RFX8: variants seen among roughly 807,000 people sequenced by gnomAD.
RFX8 encodes the protein regulatory factor X8.
RFX8 carries 46 observed loss-of-function variants against 54.6 expected under a neutral mutation model. The ratio of observed to expected loss-of-function variants is 0.84; its 90% CI spans 0.67 to 1.08. The LOEUF (loss-of-function observed/expected upper bound fraction) is 1.08, where lower values mean the gene tolerates loss of function less well. Ranked by LOEUF, RFX8 falls within the 50% of genes least tolerant of loss-of-function variation. RFX8 has a pLI of 0.00. For missense variants in RFX8, 536 were observed against 562.3 expected, an observed-to-expected ratio of 0.95 and a Z score of 0.47; for synonymous variants, 192 against 209.5, an observed-to-expected ratio of 0.92 and a Z score of 0.72.
At chr2:101,442,432 C>T (rs937012870) in intron 2 of RFX8, among the ~76,000 whole-genome samples, 4 of 152,114 alleles carry the variant, frequency 2.6e-5, no homozygotes, top group Admixed American at 6.6e-5. Context: ...CAGCTAGTGG[C>T]AAATTTTTTT....
At chr2:101,471,535 C>G (rs1485946991) in intron 1 of RFX8, among the ~76,000 whole-genome samples, 2 of 152,120 alleles carry the variant, frequency 1.3e-5, no homozygotes, top group Non-Finnish European at 2.9e-5. Flanking sequence ...AGTCTACAAC[C>G]AGGGCTCAGC....
intron 2 of RFX8, among the ~76,000 whole-genome samples, chr2:101,443,830 G>A (rs1425772431): frequency 6.6e-6 from 1 of 152,104 alleles, no homozygotes; most frequent in Admixed American, 6.5e-5. Flanking sequence ...ACCTAGTAGG[G>A]GGCTGCAACC....
intron 6 of RFX8, among the ~76,000 whole-genome samples, chr2:101,416,616 G>C (rs1392114213): frequency 1.3e-5 from 2 of 152,174 alleles, no homozygotes; most frequent in Non-Finnish European, 2.9e-5. Flanking sequence ...AAGGAGGGTG[G>C]GACCCCGTAG....
At chr2:101,471,163 G>A (rs1413253049) in intron 1 of RFX8, among the ~76,000 whole-genome samples, 2 of 151,776 alleles carry the variant, frequency 1.3e-5, no homozygotes, top group Non-Finnish European at 2.9e-5. Context: ...GCGAAACCCC[G>A]TCTCTACGAA....
chr2:101,422,577 C>T (rs965021828), intron 2 of RFX8, 105 bp from the exon 3 acceptor site: 3 of 694,142 alleles, frequency 4.3e-6, no homozygotes, highest in African/African-American at 3.5e-5. Flanking sequence ...TTGTGTATAA[C>T]CTTTTAGCCA....
intron 2 of RFX8, among the ~76,000 whole-genome samples, chr2:101,451,918 ACC>A: frequency 6.6e-6 from 1 of 151,600 alleles, no homozygotes; most frequent in Admixed American, 6.6e-5. Flanking sequence ...ATTTAGGAAA[ACC>A]TCGTCTCTAA....
rs181018842 is a variant in RFX8 at position 101,472,548 on chromosome 2, A to G, written c.-53+2088T>C. 2.6e-5 allele frequency among the ~76,000 whole-genome samples: 4 copies of G among 152,308 alleles called. No individual in the cohort carries two copies. In the East Asian group the frequency reaches 7.7e-4, roughly 29 times the overall value. The stretch of plus-strand genomic sequence containing the variant: ...GCCTATAGGGATAGGAACTTGTAAT[A>G]TGGGACTTGAGTAAGTCAGACTGTC... On this transcript the variant is annotated intron_variant, in intron 1 of 11. Transcript: ENST00000428343.
intron 9 of RFX8, among the ~76,000 whole-genome samples, chr2:101,410,383 G>A (rs1018246719): frequency 1.1e-5 from 1 of 90,376 alleles, no homozygotes; most frequent in Non-Finnish European, 2.2e-5. Context: ...CCAAACATAT[G>A]CCCACACTCA....
chr2:101,469,104 ATAAG>A (rs200589696), intron 1 of RFX8, among the ~76,000 whole-genome samples: 3,045 of 28,492 alleles, frequency 0.11, 191 homozygotes, highest in East Asian at 0.24. Context: ...GTATATATAT[ATAAG>A]TGTATATATA....
chr2:101,439,422 C>A (rs1687961918), intron 2 of RFX8, among the ~76,000 whole-genome samples: 1 of 152,112 alleles, frequency 6.6e-6, no homozygotes, highest in Non-Finnish European at 1.5e-5. Flanking sequence ...TTTTATGGAT[C>A]ATACTTCTGG....
chr2:101,397,785 C>T (rs1685210565), intron 11 of RFX8, 61 bp from the exon 12 acceptor site: 1 of 1,354,080 alleles, frequency 7.4e-7, no homozygotes, highest in African/African-American at 1.5e-5. Context: ...TTCCTTGTTG[C>T]AGGAACTACC....
At chr2:101,397,864 CT>C (rs894849758) in intron 11 of RFX8, 140 bp from the exon 12 acceptor site, 24,511 of 511,132 alleles carry the variant, frequency 0.048, no homozygotes, top group South Asian at 0.076. Flanking sequence ...GCATTTATTC[CT>C]TTTTTTTTTT....
At chr2:101,418,815 A>G in intron 5 of RFX8, 36 bp downstream of exon 5, 1 of 1,351,436 alleles carries the variant, frequency 7.4e-7, no homozygotes, top group Non-Finnish European at 1.0e-6. Context: ...CAATTTCTGC[A>G]AAGGATATAC....
At chr2:101,465,425 G>A (rs1388184620) in intron 2 of RFX8, among the ~76,000 whole-genome samples, 7 of 152,162 alleles carry the variant, frequency 4.6e-5, no homozygotes, top group Admixed American at 2.6e-4. Flanking sequence ...CACGGGAATC[G>A]CTTGAACTCG....
intron 2 of RFX8, among the ~76,000 whole-genome samples, chr2:101,465,919 G>A (rs1673091733): frequency 3.3e-5 from 5 of 152,194 alleles, no homozygotes; most frequent in Admixed American, 3.3e-4. Flanking sequence ...GGTGGGCAGG[G>A]AGGCAAAGGG....
Position 101,427,363 on chromosome 2 carries a change from A to G in RFX8, c.73-4891T>C, listed in dbSNP as rs78672074. 3.7e-3 allele frequency among the ~76,000 whole-genome samples: 563 copies of G among 152,270 alleles called. 7 individuals carry two copies. The highest frequency in any genetic ancestry group is 0.013 in the African/African-American group (544 of 41,554). ...AGAAAAGGCCACCTTTCCCAGCTGC[A>G]GGGAGCCAGAGAGACTGCAGCGTGA... is the stretch of plus-strand genomic sequence containing the variant. On this transcript the variant is annotated intron_variant, in intron 2 of 11. Transcript: ENST00000428343.
In RFX8 at chr2:101,417,615, A is replaced by T; in HGVS notation, c.421T>A (p.Leu141Ile). The T allele has an allele frequency of 6.4e-7, 1 of 1,551,606 alleles. No individual in the cohort carries two copies. Among genetic ancestry groups the T allele is most frequent in the Non-Finnish European group, 8.7e-7 (1 of 1,146,812 alleles). The part of the protein sequence containing the change: ...VSIQYLKSVQ[L>I]FSKKFKLWLL... Reference sequence around the variant, plus strand: ...CACAGCTTAAATTTCTTACTAAATAACTGCACAGATTTCAGGTACTGAATA... The same window carrying T: ...CACAGCTTAAATTTCTTACTAAATATCTGCACAGATTTCAGGTACTGAATA... Residue 141 changes from leucine to isoleucine, a missense_variant, in exon 6 of 12, where the codon TTA (leucine) becomes ATA (isoleucine). Transcript: ENST00000428343.
Position 101,445,837 on chromosome 2 carries a change from G to A in RFX8, c.72+20940C>T, listed in dbSNP as rs138255006. Among the ~76,000 whole-genome samples the A allele has an allele frequency of 3.1e-3, 472 of 152,224 alleles. 3 individuals carry two copies. Among genetic ancestry groups the A allele is most frequent in the African/African-American group, 0.011 (458 of 41,550 alleles). ...GTAGCTAGAACAGGCCTGACTTATTGTAGGAACTCAAATGAATGAACAAAT... is the reference window on the plus strand; with the variant it reads ...GTAGCTAGAACAGGCCTGACTTATTATAGGAACTCAAATGAATGAACAAAT... On this transcript the variant is annotated intron_variant, in intron 2 of 11. Transcript: ENST00000428343.
At chr2:101,431,180 C>T (rs1687465270) in intron 2 of RFX8, among the ~76,000 whole-genome samples, 1 of 152,166 alleles carries the variant, frequency 6.6e-6, no homozygotes, top group Non-Finnish European at 1.5e-5. Flanking sequence ...ATTCATTCAT[C>T]AGTGCCTACT....
Sources: allele counts gnomAD v4.1 joint callset (sites outside exome capture counted in the v4.1 genomes callset), GRCh38; gene constraint gnomAD v4.1.1; transcripts MANE v1.5; gene names NCBI Gene and HGNC (gene_info 2026-07-23, HGNC 2026-07-21).